Variants in CDC42BPB observed in about 807,000 individuals in gnomAD.
The protein encoded by CDC42BPB is CDC42 binding protein kinase beta, also known as serine/threonine-protein kinase MRCK beta.
Under a neutral mutation model 214.9 loss-of-function variants are expected in CDC42BPB, and 37 were observed. The observed-to-expected ratio is 0.17, with a 90% CI of 0.13 to 0.23. CDC42BPB has a LOEUF of 0.23. Among genes scored for constraint, CDC42BPB ranks in the 10% least tolerant of loss-of-function variants. The pLI is 1.00. For synonymous variants in CDC42BPB, 931 were observed against 884.0 expected, an observed-to-expected ratio of 1.05 and a Z score of -0.94; for missense variants, 1,694 against 2,227.0, an observed-to-expected ratio of 0.76 and a Z score of 4.82.
At chr14:102,992,297 A>G (rs79810634) in intron 5 of CDC42BPB, among the ~76,000 whole-genome samples, 2 of 152,342 alleles carry the variant, frequency 1.3e-5, no homozygotes, top group African/African-American at 2.4e-5. Context: ...AATGGACTTT[A>G]AAGTTACAAA....
rs1185305624 is a variant in CDC42BPB at position 103,004,020 on chromosome 14, C to A, written c.355G>T (p.Ala119Ser). 1.3e-6 allele frequency: 2 copies of A among 1,599,982 alleles called. No homozygotes were observed. Among genetic ancestry groups the A allele is most frequent in the Non-Finnish European group, 1.7e-6 (2 of 1,177,330 alleles). The part of the protein sequence containing the change: ...KWEMLKRAET[A>S]CFREERDVLV... ...ACATCGCGCTCCTCTCGGAAGCACG[C>A]GGTCTGCAAAGCAACGAGGGGTGTC... Residue 119 changes from alanine to serine, a missense_variant, in exon 4 of 37, where the codon GCG becomes TCG. Around this residue, in one of 7 missense-constraint regions of CDC42BPB, gnomAD observed 225 missense variants for 459.3 expected, o/e 0.49. Coordinates refer to ENST00000361246, the MANE Select transcript of CDC42BPB (RefSeq NM_006035.4). The surrounding 1 kb of genome is among the most constrained non-coding windows in gnomAD (Gnocchi z 5.3).
chr14:103,000,366 G>A (rs1291483816), intron 4 of CDC42BPB, among the ~76,000 whole-genome samples: 4 of 152,272 alleles, frequency 2.6e-5, no homozygotes, highest in Admixed American at 1.3e-4. Flanking sequence ...GTGAGCCTGC[G>A]TAGAGCTCTG....
chr14:103,001,881 T>C lies in CDC42BPB; in HGVS notation c.447+2047A>G, dbSNP rs1026149343. Among the ~76,000 whole-genome samples the C allele has an allele frequency of 3.9e-5, 6 of 152,040 alleles. No individual in the cohort carries two copies. The highest frequency in any genetic ancestry group is 1.4e-4 in the African/African-American group (6 of 41,400). On this transcript the variant is annotated intron_variant, in intron 4 of 36. Transcript: ENST00000361246. This position sits in a 1 kb window ranked among gnomAD's most constrained non-coding sequence, Gnocchi z 5.8. ...CTTCCTACAGCAGCACTGGGTCTGA[T>C]CAACGGTCTCCTGGAGCATGGTCTC...
rs766338362 is a variant in CDC42BPB at position 102,946,600 on chromosome 14, C to T, written c.3616G>A (p.Val1206Ile). The change falls in exon 28 of 37, where the codon GTT (valine) becomes ATT (isoleucine). Residue 1206 changes from valine (V) to isoleucine (I), a missense_variant. Physicochemically the swap from Val to Ile is conservative, Grantham distance 29 (BLOSUM62 3). Around this residue, in one of 7 missense-constraint regions of CDC42BPB, gnomAD observed 567 missense variants for 790.3 expected, o/e 0.72. Transcript: ENST00000361246. ...TENENEKRKW[V>I]GILEGLQSIL... ...GACTGGAGTCCTTCTAGAATCCCAA[C>T]CCACTTCCTCTTTTCATTCTCATTT... The T allele has an allele frequency of 1.2e-6, 2 of 1,612,706 alleles. No individual in the cohort carries two copies. Among genetic ancestry groups the T allele is most frequent in the Non-Finnish European group, 1.7e-6 (2 of 1,179,978 alleles).
At chr14:102,949,135 G>C (rs1200697538) in intron 26 of CDC42BPB, among the ~76,000 whole-genome samples, 1 of 152,202 alleles carries the variant, frequency 6.6e-6, no homozygotes, top group Non-Finnish European at 1.5e-5. Context: ...TGCAGGCCCC[G>C]GGCTGAGCTA....
intron 1 of CDC42BPB, among the ~76,000 whole-genome samples, chr14:103,043,336 A>C (rs1417160964): frequency 2.0e-5 from 3 of 152,238 alleles, no homozygotes; most frequent in Non-Finnish European, 4.4e-5. Flanking sequence ...TGTCCACACA[A>C]CGGAGTACTA....
At chr14:102,953,581 C>T (rs976608135) in intron 23 of CDC42BPB, among the ~76,000 whole-genome samples, 29 of 152,350 alleles carry the variant, frequency 1.9e-4, no homozygotes, top group African/African-American at 4.1e-4. Flanking sequence ...CACAGGGCTA[C>T]GTACTCGCAA....
In CDC42BPB at chr14:102,966,542, A is replaced by T. The variant is rs77574823; in HGVS notation, c.2472-155T>A. The T allele has an allele frequency of 2.8e-4, 271 of 984,774 alleles. 1 individual carries two copies. In the East Asian group the frequency reaches 0.026, roughly 93 times the overall value. The allele number at this position is 984,774 out of a possible 1,614,324, so 61.0% of individuals were successfully genotyped here. A position where few individuals can be genotyped will look rare whatever the true frequency, so the allele number is the denominator to read the frequency against. On this transcript the variant is annotated intron_variant, in intron 17 of 36. Coordinates refer to ENST00000361246, the MANE Select transcript of CDC42BPB (RefSeq NM_006035.4). ...GTACCCGTTGTATACACGGGATCTC[A>T]TTGATGGATGCGTCGTTACATTGCA...
At chr14:102,935,764 CAAAAAAA>C (rs55833197) in intron 36 of CDC42BPB, among the ~76,000 whole-genome samples, 3 of 74,568 alleles carry the variant, frequency 4.0e-5, no homozygotes, top group South Asian at 5.4e-4. Flanking sequence ...CACTCTGTCT[CAAAAAAA>C]AAAAAAAAAA....
intron 1 of CDC42BPB, among the ~76,000 whole-genome samples, chr14:103,024,921 C>A (rs934144192): frequency 3.3e-5 from 5 of 152,122 alleles, no homozygotes; most frequent in African/African-American, 1.2e-4. Flanking sequence ...TGTCTTTACT[C>A]CCCACATAAG....
At chr14:103,042,600 A>G (rs1312604823) in intron 1 of CDC42BPB, among the ~76,000 whole-genome samples, 2 of 152,204 alleles carry the variant, frequency 1.3e-5, no homozygotes, top group Non-Finnish European at 2.9e-5. Flanking sequence ...GTGAGCCACT[A>G]TGCCCGGCCA....
chr14:103,003,627 C>CTAT (rs1895094935), intron 4 of CDC42BPB, among the ~76,000 whole-genome samples: 1 of 152,170 alleles, frequency 6.6e-6, no homozygotes, highest in Non-Finnish European at 1.5e-5. Context: ...TCCTTATTCT[C>CTAT]AATAATCCAA....
chr14:102,947,837 C>T, intron 26 of CDC42BPB, 35 bp from the exon 27 acceptor site: 1 of 1,610,920 alleles, frequency 6.2e-7, no homozygotes, highest in Non-Finnish European at 8.5e-7. Flanking sequence ...CGCTGGGAGA[C>T]ACGCGCACAG....
chr14:102,972,244 G>A, intron 12 of CDC42BPB, 83 bp from the exon 13 acceptor site: 6 of 1,560,632 alleles, frequency 3.8e-6, no homozygotes, highest in Non-Finnish European at 5.2e-6. Context: ...ATGATATTGA[G>A]GAGTTAAAAG....
chr14:103,048,344 G>T (rs1177436142), intron 1 of CDC42BPB, among the ~76,000 whole-genome samples: 1 of 151,756 alleles, frequency 6.6e-6, no homozygotes, highest in Non-Finnish European at 1.5e-5. Flanking sequence ...AGGAGTTCAA[G>T]ATCAGCCTGG....
chr14:102,945,612 GCCAGGCTGGGCCTGTGACAT>G, intron 29 of CDC42BPB, 30 bp downstream of exon 29: 1 of 1,527,052 alleles, frequency 6.5e-7, no homozygotes. Context: ...GTCTGCAGAG[GCCAGGCTGGGCCTGTGACAT>G]CCCAGGCTGG....
At chr14:102,979,706 A>C (rs1437724143) in intron 8 of CDC42BPB, among the ~76,000 whole-genome samples, 1 of 152,166 alleles carries the variant, frequency 6.6e-6, no homozygotes, top group Non-Finnish European at 1.5e-5. Flanking sequence ...AACGAAGAAG[A>C]TTTTCCTTTT....
Position 103,057,276 on chromosome 14 carries a change from C to T in CDC42BPB, c.-103G>A. Reference sequence around the variant, plus strand: ...GCTCGGCGGCTGCGAGCCCCGGCAGCAGCGGCGCCTCCTCGCCGCCCCGTC... The same window carrying T: ...GCTCGGCGGCTGCGAGCCCCGGCAGTAGCGGCGCCTCCTCGCCGCCCCGTC... On this transcript the variant is annotated 5_prime_UTR_variant, in exon 1 of 37. Transcript: ENST00000361246. The T allele has an allele frequency of 8.8e-7, 1 of 1,141,158 alleles. No individual in the cohort carries two copies. The highest frequency in any genetic ancestry group is 1.1e-6 in the Non-Finnish European group (1 of 930,632). 70.7% of individuals were successfully genotyped at this position (1,141,158 alleles called of 1,614,324 possible).
At chr14:102,996,857 T>C (rs1269073616) in intron 5 of CDC42BPB, among the ~76,000 whole-genome samples, 1 of 149,526 alleles carries the variant, frequency 6.7e-6, no homozygotes, top group East Asian at 1.9e-4. Flanking sequence ...AAAGCAAGCA[T>C]AACTATGTTA....
Sources: allele counts gnomAD v4.1 joint callset (sites outside exome capture counted in the v4.1 genomes callset), GRCh38; gene constraint gnomAD v4.1.1; regional missense constraint gnomAD v4.1.1; non-coding constraint Gnocchi (gnomAD v3.1); transcripts MANE v1.5; gene names NCBI Gene and HGNC (gene_info 2026-07-23, HGNC 2026-07-21).